Variants in SECISBP2 observed in about 807,000 individuals in gnomAD.
SECISBP2 encodes the protein selenocysteine insertion sequence-binding protein 2.
In SECISBP2, 96 loss-of-function variants were observed where a neutral mutation model predicts 98.2. That is an observed-to-expected ratio of 0.98 (90% CI 0.83 to 1.16). SECISBP2 has a LOEUF of 1.16. Ranked by LOEUF, SECISBP2 falls within the 50% of genes most tolerant of loss-of-function variation. SECISBP2 has a pLI of 0.00. For synonymous variants in SECISBP2, 407 were observed against 370.2 expected (o/e 1.10, Z -1.14); for missense variants, 1,046 against 1,022.9 (o/e 1.02, Z -0.31).
intron 12 of SECISBP2, 22 bp from the exon 13 acceptor site, chr9:89,349,754 G>A (rs775914799): frequency 5.0e-6 from 8 of 1,613,924 alleles, no homozygotes; most frequent in Middle Eastern, 3.3e-4. Context: ...GATATCTGAT[G>A]ATGCCTTTTT....
intron 7 of SECISBP2, 125 bp downstream of exon 7, chr9:89,334,855 G>A: frequency 2.7e-6 from 2 of 730,800 alleles, no homozygotes; most frequent in South Asian, 3.0e-5. Flanking sequence ...AGTTTCTGAA[G>A]ATGGATGGTG....
chr9:89,338,498 C>T lies in SECISBP2; in HGVS notation c.1130C>T (p.Ala377Val). 6.2e-7 allele frequency: 1 copy of T among 1,613,254 alleles called. No homozygotes were observed. The highest frequency in any genetic ancestry group is 8.5e-7 in the Non-Finnish European group (1 of 1,179,772). Residue 377 changes from alanine (A) to valine (V), a missense_variant, in exon 8 of 17, where the codon GCC becomes GTC. Physicochemically the swap from Ala to Val is moderately conservative, Grantham distance 64 (BLOSUM62 0). Coordinates refer to ENST00000375807, the MANE Select transcript of SECISBP2 (RefSeq NM_024077.5). ...SQGSDLEQNE[A>V]SRKNKKKKEK... is the part of the protein sequence containing the mutation. ...GGTAGTGACCTTGAACAAAATGAAG[C>T]CTCAAGAAAGAATAAGAAAAAGAAA... is the stretch of plus-strand genomic sequence containing the variant.
the SECISBP2 span, among the ~76,000 whole-genome samples, chr9:89,365,904 G>A: frequency 6.6e-6 from 1 of 152,220 alleles, no homozygotes; most frequent in African/African-American, 2.4e-5. Flanking sequence ...TTTACTGACT[G>A]TGGCATCTGC....
At position 89,357,396 on chromosome 9, in the gene SECISBP2, T is replaced by C; in HGVS notation, c.2114-15T>C. The C allele has an allele frequency of 6.2e-7, 1 of 1,613,858 alleles. No individual in the cohort carries two copies. The highest frequency in any genetic ancestry group is 8.5e-7 in the Non-Finnish European group (1 of 1,180,026). On this transcript the variant is annotated splice_polypyrimidine_tract_variant and intron_variant, in intron 14 of 16. Coordinates refer to ENST00000375807, the MANE Select transcript of SECISBP2 (RefSeq NM_024077.5). ...TGACATGTCTTCCTGTCATTTTTCA[T>C]TGTCCTTTGACCAGGTGGGCTGGAT...
downstream of SECISBP2, chr9:89,363,947 GGACCTGGGGACACA>G (rs1164277326): frequency 6.2e-7 from 1 of 1,614,074 alleles, no homozygotes; most frequent in East Asian, 2.2e-5. Flanking sequence ...AATGTCTGCA[GGACCTGGGGACACA>G]GACCGTTTCC....
chr9:89,325,088 A>AGAAT, intron 2 of SECISBP2: 1 of 339,136 alleles, frequency 2.9e-6, no homozygotes. Flanking sequence ...CGCAGCAGAG[A>AGAAT]GAATGGTCTT....
rs1478805794 is a variant in SECISBP2, at chr9:89,319,592, T to C, written c.37-60T>C. On this transcript the variant is annotated intron_variant, in intron 1 of 16. Coordinates refer to ENST00000375807, the MANE Select transcript of SECISBP2 (RefSeq NM_024077.5). The stretch of plus-strand genomic sequence containing the variant: ...TAGGAACACCTCTTGGGTCTTTTTG[T>C]TTGTTTATATTTGCTTGATCTCTGA... The C allele has an allele frequency of 1.9e-6, 3 of 1,594,258 alleles. No homozygotes were observed. In the African/African-American group the frequency reaches 4.0e-5, roughly 21 times the overall value.
In SECISBP2 at chr9:89,328,713, T is replaced by C. The variant is rs781331894; in HGVS notation, c.628T>C (p.Ser210Pro). 2.5e-6 allele frequency: 4 copies of C among 1,614,188 alleles called. No individual in the cohort carries two copies. In the East Asian group the frequency reaches 8.9e-5, roughly 36 times the overall value. ...RKSRIIAKNV[S>P]TSKPEFEFTT... ...ATCCAGAATCATTGCAAAAAATGTATCTACCTCCAAACCTGAGTTTGAATT... is the reference window on the plus strand; with the variant it reads ...ATCCAGAATCATTGCAAAAAATGTACCTACCTCCAAACCTGAGTTTGAATT... Residue 210 changes from serine to proline, a missense_variant, in exon 5 of 17, where the codon TCT becomes CCT. By Grantham distance (74) the Ser-to-Pro change is moderately conservative. Transcript: ENST00000375807.
chr9:89,353,812 G>A (rs1293840296), intron 14 of SECISBP2, among the ~76,000 whole-genome samples: 2 of 152,184 alleles, frequency 1.3e-5, no homozygotes, highest in Non-Finnish European at 2.9e-5. Flanking sequence ...AGAGCATGGG[G>A]CTAGGTTTTT....
rs1467544635 is a variant in SECISBP2, at chr9:89,325,992, A to C, written c.528A>C (p.Arg176Ser). Residue 176 changes from arginine to serine, a missense_variant, in exon 4 of 17, where the codon AGA becomes AGC. Arg to Ser is a moderately radical substitution (Grantham distance 110). Coordinates refer to ENST00000375807, the MANE Select transcript of SECISBP2 (RefSeq NM_024077.5). ...GTISSEIKSARGSHHLSIYAE... is the reference protein window; with the variant it reads ...GTISSEIKSASGSHHLSIYAE... ...TATCATCTGAGATAAAATCAGCTAG[A>C]GGTTCACATCATTTGTCCATTTACG... The C allele has an allele frequency of 6.2e-7, 1 of 1,613,956 alleles. No individual in the cohort carries two copies. Among genetic ancestry groups the C allele is most frequent in the South Asian group, 1.1e-5 (1 of 91,084 alleles).
chr9:89,344,500 G>A (rs975311950), intron 10 of SECISBP2, among the ~76,000 whole-genome samples: 1 of 152,150 alleles, frequency 6.6e-6, no homozygotes, highest in South Asian at 2.1e-4. Flanking sequence ...GTGTAAGGAA[G>A]GGGTCCAGTT....
chr9:89,363,681 A>G (rs1437209083), downstream of SECISBP2: 5 of 1,594,536 alleles, frequency 3.1e-6, no homozygotes, highest in African/African-American at 1.3e-5. Flanking sequence ...TTTCACTGCC[A>G]TTGTAAATAG....
At chr9:89,325,328 T>C in intron 2 of SECISBP2, 99 bp from the exon 3 acceptor site, 1 of 1,153,232 alleles carries the variant, frequency 8.7e-7, no homozygotes, top group Non-Finnish European at 1.3e-6. Context: ...GTGAATGGTC[T>C]CAGAAATATT....
downstream of SECISBP2, chr9:89,364,462 G>C (rs1245031352): frequency 3.3e-5 from 7 of 209,050 alleles, no homozygotes; most frequent in East Asian, 7.4e-4. Context: ...TTGAGACACT[G>C]GGGTGGGCTT....
rs1221973186 is a variant in SECISBP2, at chr9:89,358,781, C to G, written c.2522C>G (p.Ser841Cys). The part of the protein sequence containing the change: ...YSGCTLELEE[S>C]LEASTSQMMN... ...GGATGTACCCTGGAGCTAGAAGAAT[C>G]CTTGGAGGCTTCAACCTCTCAAATG... Residue 841 changes from serine to cysteine, a missense_variant, in exon 17 of 17, where the codon TCC (serine) becomes TGC (cysteine). Transcript: ENST00000375807. 1.9e-6 allele frequency: 3 copies of G among 1,613,706 alleles called. No homozygotes were observed. In the East Asian group the frequency reaches 6.7e-5, roughly 36 times the overall value.
At chr9:89,319,280 C>T (rs555388037) in intron 1 of SECISBP2, among the ~76,000 whole-genome samples, 1 of 152,198 alleles carries the variant, frequency 6.6e-6, no homozygotes, top group East Asian at 1.9e-4. Context: ...GTTTTGGGTG[C>T]TGTAGTTAAA....
At chr9:89,347,191 CAACA>C in intron 11 of SECISBP2, 143 bp downstream of exon 11, 1 of 843,188 alleles carries the variant, frequency 1.2e-6, no homozygotes, top group Non-Finnish European at 2.0e-6. Context: ...AATGATACTC[CAACA>C]AATGATCCCT....
At position 89,350,660 on chromosome 9, in the gene SECISBP2, G is replaced by T; in HGVS notation, c.1921G>T (p.Val641Leu). The T allele has an allele frequency of 6.2e-7, 1 of 1,614,138 alleles. No individual in the cohort carries two copies. Among genetic ancestry groups the T allele is most frequent in the South Asian group, 1.1e-5 (1 of 91,084 alleles). Residue 641 changes from valine (V) to leucine (L), a missense_variant, in exon 14 of 17, where the codon GTG becomes TTG. Physicochemically the swap from Val to Leu is conservative, Grantham distance 32 (BLOSUM62 1). Coordinates refer to ENST00000375807, the MANE Select transcript of SECISBP2 (RefSeq NM_024077.5). The stretch of plus-strand genomic sequence containing the variant: ...CTGCAGCCAGATGCTTAGTAAAGAA[G>T]TGGATGCTTGTGTTACCGACCTACT... ...DYCSQMLSKE[V>L]DACVTDLLKE...
rs796402108 is a variant in SECISBP2, at chr9:89,325,902, A to G, written c.438A>G (p.Lys146=). The G allele has an allele frequency of 6.2e-7, 1 of 1,614,010 alleles. No individual in the cohort carries two copies. Among genetic ancestry groups the G allele is most frequent in the East Asian group, 2.2e-5 (1 of 44,882 alleles). Residue 146 remains lysine (K), a synonymous_variant, in exon 4 of 17, where the codon AAA becomes AAG. Coordinates refer to ENST00000375807, the MANE Select transcript of SECISBP2 (RefSeq NM_024077.5). ...PQEMKALFKK[K]TYDEKKTYDQ... ...CTTTTTAATCTTTCCTGCAGAAGAA[A>G]ACCTATGATGAGAAAAAAACGTATG...
Sources: gnomAD v4.1 joint callset for allele counts (sites outside exome capture counted in the v4.1 genomes callset) on GRCh38, gnomAD v4.1.1 for gene constraint, MANE v1.5 for transcripts, NCBI Gene and HGNC (gene_info 2026-07-23, HGNC 2026-07-21) for gene names.